Variants in FAM163A observed in about 807,000 individuals in gnomAD.
FAM163A encodes the protein family with sequence similarity 163 member A.
A neutral mutation model predicts 12.0 loss-of-function variants in FAM163A; 7 were observed. That is an observed-to-expected ratio of 0.58 (90% confidence interval 0.33 to 1.10). The LOEUF (loss-of-function observed/expected upper bound fraction) is 1.10, where lower values mean the gene tolerates loss of function less well. Ranked by LOEUF, FAM163A falls within the 50% of genes least tolerant of loss-of-function variation. The pLI, the probability that FAM163A is intolerant of heterozygous loss-of-function variation, is 0.03. For missense variants in FAM163A, 202 were observed against 218.6 expected, an observed-to-expected ratio of 0.92 and a Z score of 0.48; for synonymous variants, 101 against 91.0, an observed-to-expected ratio of 1.11 and a Z score of -0.62.
intron 1 of FAM163A, among the ~76,000 whole-genome samples, chr1:179,750,386 G>C (rs1452890583): frequency 6.6e-6 from 1 of 152,184 alleles, no homozygotes; most frequent in Non-Finnish European, 1.5e-5. Context: ...GTGTTTATCA[G>C]AAGGCCTGGG....
chr1:179,730,776 GGCACTA>G, the FAM163A span, among the ~76,000 whole-genome samples: 3 of 152,014 alleles, frequency 2.0e-5, no homozygotes, highest in Non-Finnish European at 4.4e-5. Flanking sequence ...TGTGAAAAAA[GGCACTA>G]ATTTGCATTC....
At chr1:179,769,900 C>CTTTTTTTTTTTTTT (rs1196869449) in intron 1 of FAM163A, among the ~76,000 whole-genome samples, 1 of 97,130 alleles carries the variant, frequency 1.0e-5, no homozygotes, top group Non-Finnish European at 1.9e-5. Context: ...ATCCCTAATT[C>CTTTTTTTTTTTTTT]TTTTTTTTTT....
At chr1:179,760,209 G>T (rs1368237376) in intron 1 of FAM163A, among the ~76,000 whole-genome samples, 1 of 152,150 alleles carries the variant, frequency 6.6e-6, no homozygotes, top group Admixed American at 6.5e-5. Flanking sequence ...TGTTTCTGAT[G>T]CCTCACATAT....
intron 1 of FAM163A, among the ~76,000 whole-genome samples, chr1:179,754,161 C>A (rs1461898272): frequency 6.6e-6 from 1 of 151,996 alleles, no homozygotes; most frequent in Non-Finnish European, 1.5e-5. Context: ...GAAGCCTTTC[C>A]ATGACTCAGT....
intron 1 of FAM163A, among the ~76,000 whole-genome samples, chr1:179,795,730 T>C (rs1263429151): frequency 1.3e-5 from 2 of 152,202 alleles, no homozygotes; most frequent in Non-Finnish European, 2.9e-5. Context: ...TGAATCGGGC[T>C]CAATAGCAGC....
intron 1 of FAM163A, among the ~76,000 whole-genome samples, chr1:179,766,390 G>A (rs1687502333): frequency 6.6e-6 from 1 of 152,208 alleles, no homozygotes; most frequent in Non-Finnish European, 1.5e-5. Flanking sequence ...GGGCCAAGAA[G>A]AATCCAGACC....
chr1:179,813,633 A>G, intron 4 of FAM163A, 146 bp from the exon 5 acceptor site: 2 of 871,716 alleles, frequency 2.3e-6, no homozygotes, highest in East Asian at 2.7e-5. Flanking sequence ...CTGGGATTAG[A>G]AACTTGTGGA....
the FAM163A span, among the ~76,000 whole-genome samples, chr1:179,732,407 T>C: frequency 6.6e-6 from 1 of 152,242 alleles, no homozygotes; most frequent in Non-Finnish European, 1.5e-5. Context: ...ACTGTTACTA[T>C]GTCCCCACAG....
Position 179,773,787 on chromosome 1 carries a change from A to G in FAM163A, c.-136+30364A>G, listed in dbSNP as rs1479099524. On this transcript the variant is annotated intron_variant, in intron 1 of 4. Coordinates refer to ENST00000341785, the MANE Select transcript of FAM163A (RefSeq NM_173509.3). ...CCAAAGCTATGGCTGGTATTTATGA[A>G]GCACTTGCCTCTTCACCCATATGGC... Among the ~76,000 whole-genome samples, 4 of 152,338 alleles carry G rather than the reference A, an allele frequency of 2.6e-5. No homozygotes were observed. In the East Asian group the frequency reaches 7.7e-4, roughly 29 times the overall value.
the FAM163A span, among the ~76,000 whole-genome samples, chr1:179,736,776 C>CTCTA: frequency 6.6e-6 from 1 of 151,634 alleles, no homozygotes; most frequent in Non-Finnish European, 1.5e-5. Flanking sequence ...CACCACTGCA[C>CTCTA]TCTAGCCTGG....
chr1:179,754,300 A>C (rs1685703965), intron 1 of FAM163A, among the ~76,000 whole-genome samples: 1 of 152,054 alleles, frequency 6.6e-6, no homozygotes, highest in Non-Finnish European at 1.5e-5. Flanking sequence ...ATCTCTTCTG[A>C]CCTTGCTTAT....
intron 4 of FAM163A, 106 bp from the exon 5 acceptor site, chr1:179,813,673 T>G: frequency 7.5e-7 from 1 of 1,328,010 alleles, no homozygotes. Context: ...TGCCTGGCAC[T>G]AGGTTCTCCA....
At chr1:179,773,007 C>A (rs1254872982) in intron 1 of FAM163A, among the ~76,000 whole-genome samples, 1 of 148,720 alleles carries the variant, frequency 6.7e-6, no homozygotes, top group African/African-American at 2.5e-5. Flanking sequence ...AAATCTAGTT[C>A]ATCAGAATTT....
At chr1:179,785,101 T>G (rs1690413057) in intron 1 of FAM163A, among the ~76,000 whole-genome samples, 1 of 152,192 alleles carries the variant, frequency 6.6e-6, no homozygotes, top group Non-Finnish European at 1.5e-5. Context: ...AAAGGCGCAG[T>G]AATTCAGTGC....
At chr1:179,809,114 AAT>A (rs1491559909) in intron 2 of FAM163A, among the ~76,000 whole-genome samples, 8 of 152,052 alleles carry the variant, frequency 5.3e-5, no homozygotes, top group African/African-American at 1.9e-4. Context: ...CTCAAAAAAA[AAT>A]TTTTTTTTTC....
rs1283884916 is a variant in FAM163A, at chr1:179,814,624, G to A, written c.*435G>A. On this transcript the variant is annotated 3_prime_UTR_variant, in exon 5 of 5. Transcript: ENST00000341785. ...GAAAAGGGGACAGAGGGCAAGGAGA[G>A]AAGTGAGAGCTACAATTCCAGCATT... 1 of 160,436 alleles carries A rather than the reference G, an allele frequency of 6.2e-6. No individual in the cohort carries two copies. The highest frequency in any genetic ancestry group is 1.4e-5 in the Non-Finnish European group (1 of 73,296). The allele number at this position is 160,436 out of a possible 1,614,324, so 9.9% of individuals were successfully genotyped here.
intron 1 of FAM163A, among the ~76,000 whole-genome samples, chr1:179,787,176 A>C (rs978821707): frequency 6.6e-6 from 1 of 152,264 alleles, no homozygotes; most frequent in Non-Finnish European, 1.5e-5. Context: ...AGAGTCTTCC[A>C]GTTCCTAAGC....
intron 1 of FAM163A, among the ~76,000 whole-genome samples, chr1:179,797,763 T>C (rs2148292284): frequency 6.6e-6 from 1 of 152,258 alleles, no homozygotes; most frequent in Non-Finnish European, 1.5e-5. Context: ...TTAGTTTTGC[T>C]CTCTCAGAAT....
chr1:179,798,215 CCAT>C (rs1692641771), intron 1 of FAM163A, among the ~76,000 whole-genome samples: 1 of 151,390 alleles, frequency 6.6e-6, no homozygotes, highest in African/African-American at 2.4e-5. Context: ...GGGCCAGACT[CCAT>C]CTCAAAAAAA....
Sources: allele counts gnomAD v4.1 joint callset (sites outside exome capture counted in the v4.1 genomes callset), GRCh38; gene constraint gnomAD v4.1.1; transcripts MANE v1.5; gene names NCBI Gene and HGNC (gene_info 2026-07-23, HGNC 2026-07-21).